Variants in FMN1 observed in about 807,000 individuals in gnomAD.
FMN1 encodes the protein formin 1.
FMN1 carries 110 observed loss-of-function variants against 132.4 expected under a neutral mutation model. That is an observed-to-expected ratio of 0.83 (90% confidence interval 0.71 to 0.97). FMN1 has a LOEUF of 0.97. Among genes scored for constraint, FMN1 ranks in the 50% least tolerant of loss-of-function variants. The pLI, the probability that FMN1 is intolerant of heterozygous loss-of-function variation, is 0.00. For synonymous variants in FMN1, 722 were observed against 651.7 expected (o/e 1.11, Z -1.64); for missense variants, 1,792 against 1,705.3 (o/e 1.05, Z -0.90).
chr15:33,054,295 C>G (rs343914), intron 6 of FMN1, among the ~76,000 whole-genome samples: 131,004 of 152,202 alleles, frequency 0.86, 57,133 homozygotes, highest in Non-Finnish European at 0.93. Flanking sequence ...TACATTTCTG[C>G]TTACACTCCA....
intron 5 of FMN1, among the ~76,000 whole-genome samples, chr15:33,069,510 A>G (rs985877084): frequency 6.6e-6 from 1 of 152,254 alleles, no homozygotes; most frequent in African/African-American, 2.4e-5. Flanking sequence ...AATGGTAGCC[A>G]TAAGGAAAAT....
At chr15:32,958,339 G>C (rs1291028676) in intron 9 of FMN1, among the ~76,000 whole-genome samples, 2 of 152,114 alleles carry the variant, frequency 1.3e-5, no homozygotes, top group African/African-American at 2.4e-5. Flanking sequence ...TTAAATAAAG[G>C]GGAAATGCAG....
chr15:33,061,013 C>A (rs916114364), intron 6 of FMN1, among the ~76,000 whole-genome samples: 1 of 152,196 alleles, frequency 6.6e-6, no homozygotes, highest in South Asian at 2.1e-4. Flanking sequence ...CGAAGCCCAG[C>A]TTTCGGTTGA....
At chr15:33,162,693 A>AAATCTTTAACAG (rs1964943093) in intron 3 of FMN1, among the ~76,000 whole-genome samples, 1 of 152,256 alleles carries the variant, frequency 6.6e-6, no homozygotes, top group Admixed American at 6.5e-5. Context: ...TATGTTCAGC[A>AAATCTTTAACAG]CTACTCTTAA....
At chr15:32,983,606 TATA>T (rs1596396611) in intron 7 of FMN1, among the ~76,000 whole-genome samples, 3 of 152,220 alleles carry the variant, frequency 2.0e-5, no homozygotes, top group Non-Finnish European at 4.4e-5. Context: ...TGAACACTAA[TATA>T]ATGTTACATA....
chr15:32,945,517 G>T (rs1044300682), intron 9 of FMN1, among the ~76,000 whole-genome samples: 3 of 152,090 alleles, frequency 2.0e-5, no homozygotes, highest in Non-Finnish European at 2.9e-5. Flanking sequence ...TATATCTTTG[G>T]TGGCTTAAAT....
chr15:33,146,607 A>G (rs1430378805), intron 4 of FMN1, among the ~76,000 whole-genome samples: 1 of 152,184 alleles, frequency 6.6e-6, no homozygotes, highest in Non-Finnish European at 1.5e-5. Context: ...AGAACATGCC[A>G]TGATAGGAGG....
chr15:32,849,350 T>G (rs11071995), intron 17 of FMN1, among the ~76,000 whole-genome samples: 1 of 151,796 alleles, frequency 6.6e-6, no homozygotes, highest in African/African-American at 2.4e-5. Flanking sequence ...TTTGCTTCAT[T>G]TTTATCTGAA....
chr15:33,075,846 T>C (rs1030274339), intron 5 of FMN1, among the ~76,000 whole-genome samples: 5 of 152,234 alleles, frequency 3.3e-5, no homozygotes, highest in Admixed American at 2.0e-4. Context: ...CCATTTTATT[T>C]ATTCATTTAT....
intron 6 of FMN1, among the ~76,000 whole-genome samples, chr15:33,040,911 G>A (rs1291536489): frequency 6.6e-6 from 1 of 152,188 alleles, no homozygotes; most frequent in East Asian, 1.9e-4. Context: ...CTACTACAGA[G>A]TCACTGGATA....
intron 7 of FMN1, among the ~76,000 whole-genome samples, chr15:32,984,658 C>T (rs2032936805): frequency 6.6e-6 from 1 of 152,130 alleles, no homozygotes; most frequent in Admixed American, 6.6e-5. Flanking sequence ...GAGCACAACC[C>T]TTACATCTAC....
intron 20 of FMN1, 25 bp from the exon 21 acceptor site, chr15:32,774,379 T>TA (rs1355509151): frequency 1.3e-6 from 2 of 1,547,866 alleles, no homozygotes; most frequent in Non-Finnish European, 1.8e-6. Flanking sequence ...AAAATGAATG[T>TA]ATCATTTTCT....
At chr15:33,038,186 C>T (rs992324206) in intron 6 of FMN1, among the ~76,000 whole-genome samples, 1 of 152,236 alleles carries the variant, frequency 6.6e-6, no homozygotes, top group Admixed American at 6.5e-5. Context: ...CGAGATCGCA[C>T]CACTGCACTC....
At chr15:32,956,158 G>A (rs2061763023) in intron 9 of FMN1, among the ~76,000 whole-genome samples, 1 of 151,956 alleles carries the variant, frequency 6.6e-6, no homozygotes, top group African/African-American at 2.4e-5. Context: ...TTTTATCTTT[G>A]TATCTCAGCA....
In FMN1 at chr15:32,769,637, C is replaced by CT; in HGVS notation, c.*4672dup. 1 of 146,914 alleles carries CT rather than the reference C, an allele frequency of 6.8e-6. No individual in the cohort carries two copies. The highest frequency in any genetic ancestry group is 2.2e-4 in the South Asian group (1 of 4,470). 9.1% of individuals were successfully genotyped at this position (146,914 alleles called of 1,614,324 possible). On this transcript the variant is annotated 3_prime_UTR_variant, in exon 21 of 21. Coordinates refer to ENST00000616417, the MANE Select transcript of FMN1 (RefSeq NM_001277313.2). ...TTCCAGGCAGCTGGATTGTTTCTCT[C>CT]TATAGCTGGAAAATGGAAATATATC...
chr15:33,096,615 T>C (rs74321594), intron 4 of FMN1, among the ~76,000 whole-genome samples: 1 of 151,942 alleles, frequency 6.6e-6, no homozygotes, highest in Non-Finnish European at 1.5e-5. Context: ...TTTTTTTTTT[T>C]CTTAGACAGG....
At chr15:32,913,388 T>C (rs1407231449) in intron 10 of FMN1, among the ~76,000 whole-genome samples, 1 of 152,174 alleles carries the variant, frequency 6.6e-6, no homozygotes, top group East Asian at 1.9e-4. Context: ...AATATCTTCC[T>C]TTAAACACTC....
chr15:33,144,509 T>C (rs997857567), intron 4 of FMN1, among the ~76,000 whole-genome samples: 22 of 151,560 alleles, frequency 1.5e-4, no homozygotes, highest in African/African-American at 4.6e-4. Flanking sequence ...TGGTGGCAGG[T>C]GCCTGTAGTC....
chr15:33,036,710 T>TAAG (rs1171476960), intron 6 of FMN1, among the ~76,000 whole-genome samples: 1 of 152,208 alleles, frequency 6.6e-6, no homozygotes, highest in Non-Finnish European at 1.5e-5. Context: ...AGGGTTATAA[T>TAAG]AAGTATTAAA....
Sources: gnomAD v4.1 joint callset for allele counts (sites outside exome capture counted in the v4.1 genomes callset) on GRCh38, gnomAD v4.1.1 for gene constraint, MANE v1.5 for transcripts, NCBI Gene and HGNC (gene_info 2026-07-23, HGNC 2026-07-21) for gene names.